The following CAMKMT variants were observed in gnomAD, a reference collection of about 807,000 sequenced individuals.
CAMKMT encodes calmodulin-lysine N-methyltransferase, also known as CaM KMT.
In CAMKMT, 53 loss-of-function variants were observed where a neutral mutation model predicts 48.0. The ratio of observed to expected loss-of-function variants is 1.10; its 90% confidence interval spans 0.89 to 1.39. The LOEUF (loss-of-function observed/expected upper bound fraction) is 1.39, where lower values mean the gene tolerates loss of function less well. Ranked by LOEUF, CAMKMT falls within the 40% of genes most tolerant of loss-of-function variation. The probability of loss-of-function intolerance (pLI) is 0.00; values close to 1 mark genes in which losing one functional copy is unlikely to be tolerated. For missense variants in CAMKMT, 428 were observed against 402.7 expected (o/e 1.06, Z -0.54); for synonymous variants, 165 against 152.3 (o/e 1.08, Z -0.61).
intron 3 of CAMKMT, among the ~76,000 whole-genome samples, chr2:44,592,364 C>A (rs1670348084): frequency 6.6e-6 from 1 of 152,044 alleles, no homozygotes; most frequent in Non-Finnish European, 1.5e-5. Context: ...AACTTACTGG[C>A]ATAATGTTAT....
intron 3 of CAMKMT, chr2:44,400,930 G>GTATGTA (rs1553379738): frequency 3.1e-5 from 2 of 64,252 alleles, no homozygotes; most frequent in Non-Finnish European, 5.6e-5. Flanking sequence ...TTATGTGTGT[G>GTATGTA]TATATATATA....
chr2:44,679,281 G>A (rs917533982), intron 3 of CAMKMT, among the ~76,000 whole-genome samples: 1 of 152,152 alleles, frequency 6.6e-6, no homozygotes, highest in Admixed American at 6.5e-5. Flanking sequence ...TTATAAATGT[G>A]GCTCAAAACT....
chr2:44,587,167 C>T (rs1406788243), intron 3 of CAMKMT, among the ~76,000 whole-genome samples: 1 of 151,988 alleles, frequency 6.6e-6, no homozygotes, highest in Non-Finnish European at 1.5e-5. Context: ...ATTCTTTATT[C>T]TGAATACAAG....
intron 3 of CAMKMT, among the ~76,000 whole-genome samples, chr2:44,672,893 G>A (rs1675414315): frequency 6.6e-6 from 1 of 151,966 alleles, no homozygotes; most frequent in South Asian, 2.1e-4. Flanking sequence ...TATTTTTCTA[G>A]GTAGCAGTTC....
At chr2:44,634,884 T>A (rs1673035314) in intron 3 of CAMKMT, among the ~76,000 whole-genome samples, 2 of 151,918 alleles carry the variant, frequency 1.3e-5, no homozygotes, top group Admixed American at 1.3e-4. Context: ...TTTATAAAGC[T>A]AGTTTCATTA....
chr2:44,410,543 C>T (rs887066839), intron 3 of CAMKMT, among the ~76,000 whole-genome samples: 9 of 151,808 alleles, frequency 5.9e-5, no homozygotes, highest in African/African-American at 1.7e-4. Flanking sequence ...TGTGGGAGAT[C>T]TTAAAATTGA....
Position 44,591,558 on chromosome 2 carries a change from C to G in CAMKMT, c.377-112725C>G, listed in dbSNP as rs187516164. 1.4e-3 allele frequency among the ~76,000 whole-genome samples: 209 copies of G among 152,126 alleles called. 2 individuals are homozygous for G. The highest frequency in any genetic ancestry group is 5.0e-3 in the African/African-American group (208 of 41,458). On this transcript the variant is annotated intron_variant, in intron 3 of 10. Transcript: ENST00000378494. ...ACTCATGATTTGGCTCTCTGTTTGT[C>G]TGTTATTGGTGCTGGAGAGGATGTG...
At chr2:44,473,368 A>G (rs531246355) in intron 3 of CAMKMT, among the ~76,000 whole-genome samples, 21 of 152,350 alleles carry the variant, frequency 1.4e-4, no homozygotes, top group South Asian at 6.2e-4. Flanking sequence ...TCCAACCACT[A>G]ACAAATCAGA....
intron 3 of CAMKMT, among the ~76,000 whole-genome samples, chr2:44,544,771 G>T (rs931284720): frequency 1.3e-5 from 2 of 152,230 alleles, no homozygotes; most frequent in East Asian, 1.9e-4. Flanking sequence ...TGATGGGCAG[G>T]CTATAAGATT....
chr2:44,368,272 G>C (rs2104343966), intron 1 of CAMKMT, among the ~76,000 whole-genome samples: 1 of 152,266 alleles, frequency 6.6e-6, no homozygotes, highest in African/African-American at 2.4e-5. Flanking sequence ...TCTTCTAAAA[G>C]TGGTAGATGA....
chr2:44,555,207 A>C (rs1572787436), intron 3 of CAMKMT, among the ~76,000 whole-genome samples: 1 of 152,092 alleles, frequency 6.6e-6, no homozygotes, highest in Non-Finnish European at 1.5e-5. Context: ...TTCATGGAGG[A>C]TGGATTGGAG....
chr2:44,401,771 A>C (rs909620778), intron 3 of CAMKMT, among the ~76,000 whole-genome samples: 1 of 152,108 alleles, frequency 6.6e-6, no homozygotes, highest in South Asian at 2.1e-4. Flanking sequence ...ATGTAGATCA[A>C]TTTCTTGCTT....
intron 9 of CAMKMT, among the ~76,000 whole-genome samples, chr2:44,761,617 C>T (rs1680621806): frequency 6.6e-6 from 1 of 152,166 alleles, no homozygotes; most frequent in Non-Finnish European, 1.5e-5. Context: ...CAATTCAGAA[C>T]ACAGTTTGAG....
At chr2:44,499,311 C>G (rs1669900891) in intron 3 of CAMKMT, among the ~76,000 whole-genome samples, 1 of 152,078 alleles carries the variant, frequency 6.6e-6, no homozygotes, top group Admixed American at 6.6e-5. Flanking sequence ...GGAGAGTGAC[C>G]TCTTTTCTGT....
rs953217008 is a variant in CAMKMT, at chr2:44,603,907, A to G, written c.377-100376A>G. Among the ~76,000 whole-genome samples, 8 of 152,200 alleles carry G rather than the reference A, an allele frequency of 5.3e-5. No homozygotes were observed. The East Asian group carries it at 1.5e-3, about 29-fold the overall frequency. On this transcript the variant is annotated intron_variant, in intron 3 of 10. Transcript: ENST00000378494. ...TACAAGATATTGACTGTTCTTCAGG[A>G]ATTTATAATCTAGTTGTGTAGATAA...
chr2:44,369,501 C>T (rs1473982727), intron 1 of CAMKMT, among the ~76,000 whole-genome samples: 1 of 152,130 alleles, frequency 6.6e-6, no homozygotes, highest in Admixed American at 6.5e-5. Flanking sequence ...TACAAAATCA[C>T]TGGAGAAACA....
chr2:44,631,474 T>A, intron 3 of CAMKMT: 1 of 601,880 alleles, frequency 1.7e-6, no homozygotes, highest in Non-Finnish European at 2.9e-6. Flanking sequence ...AAACAATTTT[T>A]TATTTTTTTT....
intron 7 of CAMKMT, among the ~76,000 whole-genome samples, chr2:44,737,161 G>T (rs1316930109): frequency 6.6e-6 from 1 of 152,166 alleles, no homozygotes; most frequent in African/African-American, 2.4e-5. Flanking sequence ...AGTCATGCAG[G>T]CTGGAGTGGA....
chr2:44,672,759 A>G (rs1415792846), intron 3 of CAMKMT, among the ~76,000 whole-genome samples: 1 of 152,196 alleles, frequency 6.6e-6, no homozygotes, highest in Non-Finnish European at 1.5e-5. Flanking sequence ...AGCTGAGATA[A>G]ATACCAACTA....
Sources: allele counts gnomAD v4.1 joint callset (sites outside exome capture counted in the v4.1 genomes callset), GRCh38; gene constraint gnomAD v4.1.1; transcripts MANE v1.5; gene names NCBI Gene and HGNC (gene_info 2026-07-23, HGNC 2026-07-21).